Variants in TSC2 observed in about 807,000 individuals in gnomAD.
The protein encoded by TSC2 is TSC complex subunit 2, also known as tuberin.
Under a neutral mutation model 202.2 loss-of-function variants are expected in TSC2, and 29 were observed. The ratio of observed to expected loss-of-function variants is 0.14; its 90% CI spans 0.11 to 0.20. The LOEUF (loss-of-function observed/expected upper bound fraction) is 0.20. Ranked by LOEUF, TSC2 falls within the 10% of genes least tolerant of loss-of-function variation. The pLI, the probability that TSC2 is intolerant of heterozygous loss-of-function variation, is 1.00. For missense variants in TSC2, 2,429 were observed against 2,420.0 expected (o/e 1.00, Z -0.08); for synonymous variants, 1,349 against 1,044.0 (o/e 1.29, Z -5.63).
Position 2,074,235 on chromosome 16 carries a change from C to T in TSC2, c.2391C>T (p.Ile797=). Residue 797 remains isoleucine, a synonymous_variant, in exon 22 of 42, where the codon ATC becomes ATT. Transcript: ENST00000219476. The part of the protein sequence containing the change: ...EMVYCLEQGL[I]HRCASQCVVA... ...TCTACTGCCTGGAGCAGGGCCTCAT[C>T]CACCGCTGTGCCAGCCAGTGCGTCG... The T allele has an allele frequency of 6.2e-7, 1 of 1,612,346 alleles. No homozygotes were observed. Among genetic ancestry groups the T allele is most frequent in the South Asian group, 1.1e-5 (1 of 91,042 alleles).
intron 38 of TSC2, chr16:2,087,288 A>G (rs1159518792): frequency 8.6e-6 from 3 of 349,576 alleles, no homozygotes; most frequent in African/African-American, 4.3e-5. Context: ...CCAGTGTCAC[A>G]GCACGGTCCG....
rs45457095 is a variant in TSC2, at chr16:2,087,856, C to T, written c.4990-7C>T. On this transcript the variant is annotated splice_polypyrimidine_tract_variant and splice_region_variant and intron_variant, in intron 38 of 41. Coordinates refer to ENST00000219476, the MANE Select transcript of TSC2 (RefSeq NM_000548.5). The stretch of plus-strand genomic sequence containing the variant: ...TGCGGGGATGACCCTTTCTCTTGTC[C>T]GGGCAGGGCCAGTTCAACTTTGTCC... The T allele has an allele frequency of 1.7e-3, 2,793 of 1,612,596 alleles. 25 individuals carry two copies. In the African/African-American group the frequency reaches 0.027, roughly 16 times the overall value.
chr16:2,074,364 C>T lies in TSC2; in HGVS notation c.2520C>T (p.Ala840=), dbSNP rs147683438. The change falls in exon 22 of 42, where the codon GCC becomes GCT. Residue 840 remains alanine (A), a synonymous_variant. Transcript: ENST00000219476. ...ACATCTCAGCCACAGCCAGCATGGC[C>T]GTCCCACTGCTGGAGTTCCTGTCCA... ...LTHISATASM[A]VPLLEFLSTL... 78 of 1,611,770 alleles carry T rather than the reference C, an allele frequency of 4.8e-5. No homozygotes were observed. Among genetic ancestry groups the T allele is most frequent in the Non-Finnish European group, 6.3e-5 (74 of 1,180,034 alleles).
Position 2,077,653 on chromosome 16 carries a change from G to C in TSC2, c.2893G>C (p.Glu965Gln). The change falls in exon 26 of 42, where the codon GAA (glutamate) becomes CAA (glutamine). Residue 965 changes from glutamate (E) to glutamine (Q), a missense_variant. Coordinates refer to ENST00000219476, the MANE Select transcript of TSC2 (RefSeq NM_000548.5). ...CTTGAATAACTCTCCACCCGTGAAA[G>C]AATTCAAGGAGAGCTCTGCAGCCGA... ...QGLNNSPPVKEFKESSAAEAF... is the reference protein window; with the variant it reads ...QGLNNSPPVKQFKESSAAEAF... The C allele has an allele frequency of 6.2e-7, 1 of 1,613,124 alleles. No homozygotes were observed. The highest frequency in any genetic ancestry group is 1.7e-4 in the Middle Eastern group (1 of 6,060).
At chr16:2,049,953 CTTTT>C (rs34020463) in intron 2 of TSC2, among the ~76,000 whole-genome samples, 1 of 135,474 alleles carries the variant, frequency 7.4e-6, no homozygotes. Flanking sequence ...CTCAGTAAAT[CTTTT>C]TTTTTTTTTT....
In TSC2 at chr16:2,086,325, G is replaced by A. The variant is rs772687631; in HGVS notation, c.4795G>A (p.Val1599Met). The A allele has an allele frequency of 2.9e-5, 46 of 1,612,842 alleles. No homozygotes were observed. Among genetic ancestry groups the A allele is most frequent in the African/African-American group, 1.2e-4 (9 of 74,918 alleles). ...PDKVYLGGLD[V>M]CGEDGQFTYC... The stretch of plus-strand genomic sequence containing the variant: ...CAAGGTGTACCTGGGAGGCCTGGAC[G>A]TGTGTGGTGAGGACGGCCAGTTCAC... The change falls in exon 37 of 42, where the codon GTG (valine) becomes ATG (methionine). Residue 1599 changes from valine (V) to methionine (M), a missense_variant. Physicochemically the swap from Val to Met is conservative, Grantham distance 21 (BLOSUM62 1). Transcript: ENST00000219476.
chr16:2,050,343 G>A (rs1478907333), intron 2 of TSC2, 57 bp from the exon 3 acceptor site: 3 of 1,526,736 alleles, frequency 2.0e-6, no homozygotes, highest in Non-Finnish European at 2.7e-6. Context: ...GTGACTTGCA[G>A]TTAAGGAGAC....
intron 36 of TSC2, 98 bp downstream of exon 36, chr16:2,085,420 C>G: frequency 7.7e-7 from 1 of 1,299,392 alleles, no homozygotes; most frequent in Admixed American, 1.8e-5. Context: ...CCACAGAGCT[C>G]AACACTGCCG....
intron 30 of TSC2, chr16:2,080,635 C>T (rs886446076): frequency 5.2e-5 from 26 of 502,096 alleles, no homozygotes; most frequent in East Asian, 1.4e-4. Flanking sequence ...AGGCGCCCGC[C>T]ACCACGCCTG....
At chr16:2,053,484 C>A (rs45517103) in intron 4 of TSC2, 32 bp downstream of exon 4, 1 of 1,538,118 alleles carries the variant, frequency 6.5e-7, no homozygotes, top group Non-Finnish European at 8.8e-7. Context: ...GGATGGGTGA[C>A]GTCAGGCTGC....
In TSC2 at chr16:2,083,900, C is replaced by T. The variant is rs30259; in HGVS notation, c.4005+84C>T. The T allele has an allele frequency of 0.085, 129,723 of 1,518,862 alleles. 6,158 individuals are homozygous for T. Among genetic ancestry groups the T allele is most frequent in the Non-Finnish European group, 0.096 (109,099 of 1,136,594 alleles). 94.1% of individuals were successfully genotyped at this position (1,518,862 alleles called of 1,614,324 possible). A position where few individuals can be genotyped will look rare whatever the true frequency, so the allele number is the denominator to read the frequency against. ...GGGCTCTGCGTGGGTGTGCCTGCAC[C>T]CTGGGAACTGGCTCTGAACTTGGGG... is the stretch of plus-strand genomic sequence containing the variant. On this transcript the variant is annotated intron_variant, in intron 33 of 41. Coordinates refer to ENST00000219476, the MANE Select transcript of TSC2 (RefSeq NM_000548.5).
In TSC2 at chr16:2,073,360, C is replaced by T. The variant is rs975863817; in HGVS notation, c.2355+377C>T. 3.3e-5 allele frequency among the ~76,000 whole-genome samples: 5 copies of T among 152,244 alleles called. No homozygotes were observed. The South Asian group carries it at 6.2e-4, about 19-fold the overall frequency. On this transcript the variant is annotated intron_variant, in intron 21 of 41. Coordinates refer to ENST00000219476, the MANE Select transcript of TSC2 (RefSeq NM_000548.5). ...AGAGTCTGGCTTCTGCCTCCCTCCACGCCCCATCAGGTGCCGGAAACTGTC... is the reference window on the plus strand; with the variant it reads ...AGAGTCTGGCTTCTGCCTCCCTCCATGCCCCATCAGGTGCCGGAAACTGTC...
At chr16:2,057,299 C>CCG in intron 9 of TSC2, 121 bp downstream of exon 9, 1 of 1,175,990 alleles carries the variant, frequency 8.5e-7, no homozygotes, top group Non-Finnish European at 1.2e-6. Context: ...GCAGCTGTTC[C>CCG]AGAGGCTGCC....
At chr16:2,048,560 G>A (rs1596233093) in intron 1 of TSC2, 27 bp from the exon 2 acceptor site, 1 of 1,613,148 alleles carries the variant, frequency 6.2e-7, no homozygotes, top group Non-Finnish European at 8.5e-7. Flanking sequence ...TTGCTCAGAT[G>A]TCCCCATTCC....
intron 18 of TSC2, 44 bp downstream of exon 18, chr16:2,071,660 G>C (rs1203849411): frequency 1.2e-6 from 2 of 1,610,876 alleles, no homozygotes; most frequent in Middle Eastern, 1.7e-4. Flanking sequence ...CAGGGCGTCA[G>C]AGGCGCTGGG....
rs1567490339 is a variant in TSC2 at position 2,077,590 on chromosome 16, C to T, written c.2838-8C>T. On this transcript the variant is annotated splice_polypyrimidine_tract_variant and splice_region_variant and intron_variant, in intron 25 of 41. Coordinates refer to ENST00000219476, the MANE Select transcript of TSC2 (RefSeq NM_000548.5). ...CTGGGGCGTTGGGGCTCCTTCCTCA[C>T]CCGATAGTCTGAGGATAGCCAGACC... 6 of 1,612,852 alleles carry T rather than the reference C, an allele frequency of 3.7e-6. No individual in the cohort carries two copies. Among genetic ancestry groups the T allele is most frequent in the South Asian group, 1.1e-5 (1 of 91,074 alleles).
chr16:2,068,615 C>G (rs1436533476), intron 16 of TSC2: 1 of 152,208 alleles, frequency 6.6e-6, no homozygotes, highest in Admixed American at 6.5e-5. Context: ...TGACTCACGC[C>G]TGTAATCCTG....
At chr16:2,060,905 G>T in intron 11 of TSC2, 92 bp downstream of exon 11, 1 of 1,509,030 alleles carries the variant, frequency 6.6e-7, no homozygotes, top group South Asian at 1.2e-5. Flanking sequence ...CCCCATCTCT[G>T]GGGGTCCCGC....
intron 31 of TSC2, 126 bp from the exon 32 acceptor site, chr16:2,082,310 T>A (rs372361212): frequency 4.6e-6 from 5 of 1,083,886 alleles, no homozygotes; most frequent in East Asian, 2.4e-5. Flanking sequence ...CTGGGCCCCG[T>A]GCGCGCCCCT....
Sources: allele counts gnomAD v4.1 joint callset (sites outside exome capture counted in the v4.1 genomes callset), GRCh38; gene constraint gnomAD v4.1.1; transcripts MANE v1.5; gene names NCBI Gene and HGNC (gene_info 2026-07-23, HGNC 2026-07-21).